The following CRYBB2 variants were observed in gnomAD, a reference collection of about 807,000 sequenced individuals.
The protein encoded by CRYBB2 is crystallin beta B2, also known as beta-crystallin B2.
In CRYBB2, 12 loss-of-function variants were observed where a neutral mutation model predicts 24.3. The observed-to-expected ratio is 0.49, with a 90% CI of 0.32 to 0.80. CRYBB2 has a LOEUF of 0.80. Among genes scored for constraint, CRYBB2 ranks in the 30% least tolerant of loss-of-function variants. CRYBB2 has a pLI of 0.04. For synonymous variants in CRYBB2, 98 were observed against 101.6 expected (o/e 0.96, Z 0.21); for missense variants, 198 against 268.5 (o/e 0.74, Z 1.83).
intron 1 of CRYBB2, among the ~76,000 whole-genome samples, chr22:25,220,754 C>T (rs983016892): frequency 6.6e-6 from 1 of 152,182 alleles, no homozygotes; most frequent in Non-Finnish European, 1.5e-5. Flanking sequence ...CTAGCTAAGG[C>T]AGGTCTACCC....
At chr22:25,230,462 G>T (rs142061888) in intron 5 of CRYBB2, among the ~76,000 whole-genome samples, 11,452 of 150,462 alleles carry the variant, frequency 0.076, 471 homozygotes, top group South Asian at 0.094. Flanking sequence ...GGCCTGGAAC[G>T]GACTCTTAAA....
chr22:25,212,793 A>G (rs908740930), exon 1 of CRYBB2: 2 of 152,142 alleles, frequency 1.3e-5, no homozygotes, highest in East Asian at 1.9e-4. Context: ...CCTTCATCCA[A>G]TGACTAACAG....
chr22:25,214,358 C>T lies in CRYBB2; in HGVS notation c.-27+1518C>T, dbSNP rs181220973. On this transcript the variant is annotated intron_variant, in intron 1 of 5. Transcript: ENST00000651629. ...ATCTCAAATTTTTAAAAAGGCAAAA[C>T]ATTTTGAGATCATAGGAACCTATGG... Among the ~76,000 whole-genome samples, 906 of 152,256 alleles carry T rather than the reference C, an allele frequency of 6.0e-3. 5 individuals carry two copies. The highest frequency in any genetic ancestry group is 1.0e-2 in the Non-Finnish European group (680 of 68,016).
upstream of CRYBB2, among the ~76,000 whole-genome samples, chr22:25,218,847 A>AGAAAGAAT (rs1935271996): frequency 8.7e-6 from 1 of 114,452 alleles, no homozygotes; most frequent in African/African-American, 3.8e-5. Context: ...AGAGAAAGAA[A>AGAAAGAAT]GAAAGAAAGA....
intron 5 of CRYBB2, among the ~76,000 whole-genome samples, chr22:25,231,236 G>T (rs1443525940): frequency 6.6e-6 from 1 of 152,126 alleles, no homozygotes; most frequent in Non-Finnish European, 1.5e-5. Flanking sequence ...GCTTGGAGGT[G>T]GGATAGGACT....
chr22:25,223,487 T>C (rs1935355632), intron 2 of CRYBB2, among the ~76,000 whole-genome samples: 1 of 152,092 alleles, frequency 6.6e-6, no homozygotes, highest in African/African-American at 2.4e-5. Context: ...GCCCAGAGTA[T>C]TGAATTGCTT....
chr22:25,230,773 C>G lies in CRYBB2; in HGVS notation c.450-831C>G, dbSNP rs989678376. On this transcript the variant is annotated intron_variant, in intron 5 of 5. Coordinates refer to ENST00000398215, the MANE Select transcript of CRYBB2 (RefSeq NM_000496.3). ...CCAGGGTGAAGGAGATTAAAGAGAT[C>G]TGGCTTCTGCCCTGTGTAGCCAACA... Among the ~76,000 whole-genome samples the G allele has an allele frequency of 2.7e-4, 41 of 149,868 alleles. 1 individual carries two copies. In the East Asian group the frequency reaches 4.7e-3, roughly 17 times the overall value.
At chr22:25,230,683 CTCATTCAT>C (rs200899061) in intron 5 of CRYBB2, among the ~76,000 whole-genome samples, 1 of 140,704 alleles carries the variant, frequency 7.1e-6, no homozygotes, top group African/African-American at 2.8e-5. Context: ...CCTTCATTCC[CTCATTCAT>C]TCATTCATTC....
At chr22:25,215,855 T>G (rs1935162213), upstream of CRYBB2, among the ~76,000 whole-genome samples, 1 of 152,170 alleles carries the variant, frequency 6.6e-6, no homozygotes. Flanking sequence ...TCAAAGATAG[T>G]TGTGAGGATT....
upstream of CRYBB2, chr22:25,219,447 G>A (rs1254051591): frequency 8.5e-5 from 13 of 152,274 alleles, no homozygotes; most frequent in East Asian, 1.9e-4. Flanking sequence ...CCGCCCTGGC[G>A]CGGCCGAATC....
chr22:25,221,397 C>A lies in CRYBB2; in HGVS notation c.-26-7C>A. 6.2e-7 allele frequency: 1 copy of A among 1,601,950 alleles called. No individual in the cohort carries two copies. Among genetic ancestry groups the A allele is most frequent in the Non-Finnish European group, 8.6e-7 (1 of 1,168,956 alleles). ...AGGTCCTCACTGCTGCTTCCCATGTCTTCCAGGTCATTCCTGCACAGGACA... is the reference window on the plus strand; with the variant it reads ...AGGTCCTCACTGCTGCTTCCCATGTATTCCAGGTCATTCCTGCACAGGACA... On this transcript the variant is annotated splice_polypyrimidine_tract_variant and splice_region_variant and intron_variant, in intron 1 of 5. Coordinates refer to ENST00000398215, the MANE Select transcript of CRYBB2 (RefSeq NM_000496.3).
At chr22:25,219,042 T>C (rs1309910819), upstream of CRYBB2, among the ~76,000 whole-genome samples, 1 of 152,082 alleles carries the variant, frequency 6.6e-6, no homozygotes, top group Non-Finnish European at 1.5e-5. Context: ...TGCTGGTTCC[T>C]TGTATATGGA....
chr22:25,223,985 G>A (rs566310495), intron 2 of CRYBB2, among the ~76,000 whole-genome samples: 7 of 152,176 alleles, frequency 4.6e-5, no homozygotes, highest in South Asian at 4.2e-4. Flanking sequence ...TTAGCTGGGC[G>A]TGGTGGCAGG....
At chr22:25,224,865 G>A (rs1202364389) in intron 2 of CRYBB2, 53 bp from the exon 3 acceptor site, 12 of 999,748 alleles carry the variant, frequency 1.2e-5, no homozygotes, top group South Asian at 3.8e-5. Flanking sequence ...CTACCACCCA[G>A]TTCTCACTCC....
intron 2 of CRYBB2, among the ~76,000 whole-genome samples, chr22:25,224,217 T>TCACTTTGCAGA (rs1935374015): frequency 6.6e-6 from 1 of 151,946 alleles, no homozygotes; most frequent in Non-Finnish European, 1.5e-5. Flanking sequence ...GTGGGTCCCT[T>TCACTTTGCAGA]CACTTTGCAG....
At chr22:25,214,892 C>T (rs969010168), upstream of CRYBB2, among the ~76,000 whole-genome samples, 2 of 152,204 alleles carry the variant, frequency 1.3e-5, no homozygotes, top group African/African-American at 4.8e-5. Flanking sequence ...CTGAGCCTCA[C>T]TTTGCTTATC....
intron 5 of CRYBB2, 55 bp from the exon 6 acceptor site, chr22:25,231,549 T>G: frequency 4.5e-6 from 7 of 1,553,430 alleles, no homozygotes; most frequent in Non-Finnish European, 6.2e-6. Flanking sequence ...TCTCTCTCTG[T>G]CTGCTTCTCT....
chr22:25,218,304 C>G (rs1380257018), upstream of CRYBB2, among the ~76,000 whole-genome samples: 1 of 150,840 alleles, frequency 6.6e-6, no homozygotes, highest in Non-Finnish European at 1.5e-5. Context: ...GGCTGGGCAC[C>G]CATGTGGCAG....
At chr22:25,221,986 C>T (rs750112274) in intron 2 of CRYBB2, among the ~76,000 whole-genome samples, 34 of 152,224 alleles carry the variant, frequency 2.2e-4, no homozygotes, top group Admixed American at 1.3e-3. Context: ...GCCTGGGGTG[C>T]GCATCCACCT....
Sources: gnomAD v4.1 joint callset for allele counts (sites outside exome capture counted in the v4.1 genomes callset) on GRCh38, gnomAD v4.1.1 for gene constraint, MANE v1.5 for transcripts, NCBI Gene and HGNC (gene_info 2026-07-23, HGNC 2026-07-21) for gene names.